Variants in ZNF69 observed in about 807,000 individuals in gnomAD.
ZNF69 encodes ZNF3.
A neutral mutation model predicts 50.9 loss-of-function variants in ZNF69; 47 were observed. That is an observed-to-expected ratio of 0.92 (90% confidence interval 0.73 to 1.18). ZNF69 has a LOEUF of 1.18. ZNF69 is among the 50% of genes most tolerant of loss of function. ZNF69 has a pLI of 0.00. For missense variants in ZNF69, 717 were observed against 675.1 expected (o/e 1.06, Z -0.69); for synonymous variants, 216 against 223.1 (o/e 0.97, Z 0.29).
the ZNF69 span, chr19:11,947,299 C>A: frequency 6.2e-7 from 1 of 1,613,782 alleles, no homozygotes. Context: ...AGGAACCTGA[C>A]CTCTATAGGT....
chr19:11,940,333 G>A, the ZNF69 span, among the ~76,000 whole-genome samples: 13 of 152,250 alleles, frequency 8.5e-5, no homozygotes, highest in Admixed American at 6.5e-5. Flanking sequence ...GGACCCTTGC[G>A]GTGAGTGTTA....
the ZNF69 span, chr19:11,978,693 G>A: frequency 6.2e-7 from 1 of 1,614,030 alleles, no homozygotes; most frequent in Middle Eastern, 1.6e-4. Flanking sequence ...AAAGCCTTAT[G>A]AATGTCAGCA....
intron 1 of ZNF69, among the ~76,000 whole-genome samples, chr19:11,893,675 T>G (rs900173575): frequency 6.6e-6 from 1 of 152,144 alleles, no homozygotes; most frequent in African/African-American, 2.4e-5. Context: ...TGACTCAAGA[T>G]GCCCACAACT....
rs764445721 is a variant in ZNF69, at chr19:11,903,977, T to C, written c.251+12T>C. The C allele has an allele frequency of 1.2e-6, 2 of 1,613,022 alleles. No individual in the cohort carries two copies. Among genetic ancestry groups the C allele is most frequent in the Non-Finnish European group, 1.7e-6 (2 of 1,179,166 alleles). Reference sequence around the variant, plus strand: ...AGGAGAAACTTCAGGTAATTTGTACTTACAAGACAAAGCAGTGTCTCTCTA... The same window carrying C: ...AGGAGAAACTTCAGGTAATTTGTACCTACAAGACAAAGCAGTGTCTCTCTA... On this transcript the variant is annotated intron_variant, in intron 3 of 3. Coordinates refer to ENST00000429654, the MANE Select transcript of ZNF69 (RefSeq NM_001364730.1).
At chr19:11,958,945 T>C in the ZNF69 span, among the ~76,000 whole-genome samples, 2 of 152,202 alleles carry the variant, frequency 1.3e-5, no homozygotes, top group Admixed American at 1.3e-4. Flanking sequence ...TGCAGTGGCG[T>C]GATCTCGGCT....
chr19:11,950,665 T>C, the ZNF69 span: 1 of 294,642 alleles, frequency 3.4e-6, no homozygotes, highest in South Asian at 3.7e-5. Context: ...ATTCTTTGAA[T>C]ACAGATAATT....
chr19:11,934,790 G>A, the ZNF69 span, among the ~76,000 whole-genome samples: 2 of 148,018 alleles, frequency 1.4e-5, no homozygotes, highest in African/African-American at 2.6e-5. Context: ...GCTTCCCAAT[G>A]TGCTGGATTA....
the ZNF69 span, among the ~76,000 whole-genome samples, chr19:11,961,954 CACACAT>C: frequency 3.4e-5 from 5 of 147,038 alleles, no homozygotes; most frequent in African/African-American, 7.8e-5. Context: ...CACACACACA[CACACAT>C]ATATATTGTT....
chr19:11,956,780 C>T, the ZNF69 span: 6,350 of 375,568 alleles, frequency 0.017, 378 homozygotes, highest in African/African-American at 0.12. Flanking sequence ...TGCTTGAACT[C>T]GGGGCGGAGG....
At chr19:11,926,846 G>C in the ZNF69 span, among the ~76,000 whole-genome samples, 1 of 152,150 alleles carries the variant, frequency 6.6e-6, no homozygotes, top group Non-Finnish European at 1.5e-5. Context: ...GATTTCAGTT[G>C]GAAGAGTTTA....
the ZNF69 span, chr19:11,979,381 C>A: frequency 1.2e-6 from 2 of 1,611,496 alleles, no homozygotes; most frequent in Non-Finnish European, 1.7e-6. Context: ...GTGGGAAAGC[C>A]TTCAGATCTG....
chr19:11,942,274 C>T, the ZNF69 span, among the ~76,000 whole-genome samples: 1 of 151,478 alleles, frequency 6.6e-6, no homozygotes, highest in Non-Finnish European at 1.5e-5. Context: ...TCTGCCTTCT[C>T]TAACAATGTC....
downstream of ZNF69, among the ~76,000 whole-genome samples, chr19:11,917,789 C>CCTTTTT (rs1972534654): frequency 9.0e-6 from 1 of 110,726 alleles, no homozygotes; most frequent in African/African-American, 3.9e-5. Context: ...CCACACCCTG[C>CCTTTTT]TTTTTTTTTT....
downstream of ZNF69, among the ~76,000 whole-genome samples, chr19:11,918,899 CTTT>C (rs951386224): frequency 7.1e-6 from 1 of 140,916 alleles, no homozygotes; most frequent in Non-Finnish European, 1.6e-5. Context: ...ACTTGTTTTT[CTTT>C]TTTTTTTTTT....
At position 11,900,164 on chromosome 19, in the gene ZNF69, G is replaced by C. The variant is rs564563778; in HGVS notation, c.64-3409G>C. On this transcript the variant is annotated intron_variant, in intron 1 of 3. Coordinates refer to ENST00000429654, the MANE Select transcript of ZNF69 (RefSeq NM_001364730.1). ...AGACAGGGTTTCACCATGTTGTCCA[G>C]GCTGGTCTCAAACTTTTGACCTCAG... Among the ~76,000 whole-genome samples the C allele has an allele frequency of 1.6e-4, 24 of 152,176 alleles. 1 individual carries two copies.
chr19:11,958,933 A>G, the ZNF69 span, among the ~76,000 whole-genome samples: 1 of 152,188 alleles, frequency 6.6e-6, no homozygotes, highest in Non-Finnish European at 1.5e-5. Flanking sequence ...CCCAGGCTAG[A>G]GTGCAGTGGC....
At chr19:11,959,237 G>T in the ZNF69 span, among the ~76,000 whole-genome samples, 2 of 152,124 alleles carry the variant, frequency 1.3e-5, no homozygotes, top group African/African-American at 4.8e-5. Flanking sequence ...TTAATTAGCT[G>T]GTTGGAACCT....
chr19:11,932,729 C>G, the ZNF69 span, among the ~76,000 whole-genome samples: 319 of 145,982 alleles, frequency 2.2e-3, 46 homozygotes, highest in African/African-American at 8.2e-3. Context: ...GCTCCGCCTC[C>G]CGGGTTCACG....
At chr19:11,928,046 A>C in the ZNF69 span, among the ~76,000 whole-genome samples, 2 of 151,872 alleles carry the variant, frequency 1.3e-5, no homozygotes, top group African/African-American at 4.8e-5. Flanking sequence ...GACCCAGCCT[A>C]GAGCAGTGGT....
Sources: gnomAD v4.1 joint callset for allele counts (sites outside exome capture counted in the v4.1 genomes callset) on GRCh38, gnomAD v4.1.1 for gene constraint, MANE v1.5 for transcripts, NCBI Gene and HGNC (gene_info 2026-07-23, HGNC 2026-07-21) for gene names.